The following MAP9 variants were observed in gnomAD, a reference collection of about 807,000 sequenced individuals.
MAP9 encodes the protein microtubule associated protein 9.
Under a neutral mutation model 75.2 loss-of-function variants are expected in MAP9, and 80 were observed. The observed-to-expected ratio is 1.06, with a 90% CI of 0.89 to 1.28. MAP9 has a LOEUF of 1.28. Ranked by LOEUF, MAP9 falls within the 50% of genes most tolerant of loss-of-function variation. The pLI, the probability that MAP9 is intolerant of heterozygous loss-of-function variation, is 0.00. For synonymous variants in MAP9, 235 were observed against 237.3 expected (o/e 0.99, Z 0.09); for missense variants, 753 against 719.9 (o/e 1.05, Z -0.53).
At chr4:155,376,346 C>T (rs1016768435) in intron 1 of MAP9, 8 of 152,366 alleles carry the variant, frequency 5.3e-5, no homozygotes, top group African/African-American at 1.9e-4. Context: ...GCATACAGCG[C>T]TATTCAAAGA....
rs188178167 is a variant in MAP9, at chr4:155,376,838, A to T, written c.-132T>A. ...CGAGCGAGGAGGAGGGGCTAATAAC[A>T]GAGGCGGAGGGCGGTTGCTAGGAAA... On this transcript the variant is annotated 5_prime_UTR_variant, in exon 1 of 14. Transcript: ENST00000311277. The T allele has an allele frequency of 3.3e-5, 5 of 152,998 alleles. No homozygotes were observed. The highest frequency in any genetic ancestry group is 1.2e-4 in the African/African-American group (5 of 41,576). The allele number at this position is 152,998 out of a possible 1,614,324, so 9.5% of individuals were successfully genotyped here. A position where few individuals can be genotyped will look rare whatever the true frequency, so the allele number is the denominator to read the frequency against.
At position 155,357,607 on chromosome 4, in the gene MAP9, C is replaced by A. The variant is rs1036881872; in HGVS notation, c.1051-88G>T. ...GCCAAACTGCCAGTAAATCACTATT[C>A]TTTAAGCATCTACTATGTGTCAAAC... On this transcript the variant is annotated intron_variant, in intron 7 of 13. Transcript: ENST00000311277. 2.2e-5 allele frequency: 16 copies of A among 736,746 alleles called. No homozygotes were observed. The African/African-American group carries it at 2.8e-4, about 13-fold the overall frequency. 45.6% of individuals were successfully genotyped at this position (736,746 alleles called of 1,614,324 possible). A position where few individuals can be genotyped will look rare whatever the true frequency, so the allele number is the denominator to read the frequency against.
intron 4 of MAP9, among the ~76,000 whole-genome samples, chr4:155,369,654 A>C (rs1732509770): frequency 1.3e-5 from 2 of 152,098 alleles, no homozygotes; most frequent in Non-Finnish European, 2.9e-5. Flanking sequence ...ACAAGACTAG[A>C]TTACTAAGAT....
intron 5 of MAP9, among the ~76,000 whole-genome samples, chr4:155,366,364 A>AG: frequency 6.6e-6 from 1 of 151,994 alleles, no homozygotes; most frequent in East Asian, 1.9e-4. Context: ...GTCTCAAAAA[A>AG]AAAAAAAGAA....
intron 7 of MAP9, among the ~76,000 whole-genome samples, chr4:155,358,944 A>G (rs981485524): frequency 2.0e-5 from 3 of 152,088 alleles, no homozygotes; most frequent in African/African-American, 7.2e-5. Context: ...GAGAACACAG[A>G]GAAAAGGGAA....
chr4:155,352,964 CCT>C lies in MAP9; in HGVS notation c.1634_1635del (p.Glu545GlyfsTer11), dbSNP rs1176381950. The part of the protein sequence containing the change: ...REYERAKKQK[E>X]EETVAEKKKD... ...TTCTTTTTCTCGGCAACAGTTTCCT[CCT>C]CTTTCTGTTTCTTTGCTCTTTCATA... is the stretch of plus-strand genomic sequence containing the variant. On this transcript the variant is annotated frameshift_variant, in exon 12 of 14. Coordinates refer to ENST00000311277, the MANE Select transcript of MAP9 (RefSeq NM_001039580.2). LOFTEE classifies it high-confidence loss of function. The C allele has an allele frequency of 1.9e-6, 3 of 1,543,152 alleles. No homozygotes were observed. In the Admixed American group the frequency reaches 5.8e-5, roughly 30 times the overall value.
intron 5 of MAP9, among the ~76,000 whole-genome samples, chr4:155,365,079 A>G (rs1191632575): frequency 2.0e-5 from 3 of 152,082 alleles, no homozygotes; most frequent in Non-Finnish European, 4.4e-5. Flanking sequence ...ACATTCATAA[A>G]TGGACTAAAC....
At chr4:155,374,886 T>A in intron 3 of MAP9, 51 bp downstream of exon 3, 1 of 1,286,044 alleles carries the variant, frequency 7.8e-7, no homozygotes, top group Non-Finnish European at 1.1e-6. Flanking sequence ...AATACAAAAC[T>A]AAGGAAGCAA....
chr4:155,355,447 T>C (rs377427158), intron 9 of MAP9, among the ~76,000 whole-genome samples: 1 of 152,166 alleles, frequency 6.6e-6, no homozygotes, highest in African/African-American at 2.4e-5. Flanking sequence ...AAAACATATA[T>C]AGACTTTACA....
chr4:155,357,493 C>T lies in MAP9; in HGVS notation c.1077G>A (p.Lys359=), dbSNP rs756050270. 1.3e-6 allele frequency: 2 copies of T among 1,540,706 alleles called. No individual in the cohort carries two copies. Among genetic ancestry groups the T allele is most frequent in the South Asian group, 1.1e-5 (1 of 89,206 alleles). Residue 359 remains lysine, a synonymous_variant, in exon 8 of 14, where the codon AAG becomes AAA. Transcript: ENST00000311277. ...SKKTIEDRNI[K]NKKSTNNRAS... is the part of the protein sequence containing the mutation. ...CTCTATTATTTGTTGACTTTTTATT[C>T]TTTATATTTCTATCTTCAATTGTTT...
intron 5 of MAP9, among the ~76,000 whole-genome samples, chr4:155,364,408 A>C (rs1199665790): frequency 6.7e-6 from 1 of 150,050 alleles, no homozygotes; most frequent in Non-Finnish European, 1.5e-5. Flanking sequence ...GATCCCTAGA[A>C]ATTGTATATG....
chr4:155,352,088 C>T (rs1263935932), intron 13 of MAP9, among the ~76,000 whole-genome samples: 1 of 151,944 alleles, frequency 6.6e-6, no homozygotes, highest in African/African-American at 2.4e-5. Context: ...GTTCAGCTAG[C>T]TATTGCTCCT....
rs1488614611 is a variant in MAP9 at position 155,376,005 on chromosome 4, G to A, written c.-64-91C>T. 7 of 541,186 alleles carry A rather than the reference G, an allele frequency of 1.3e-5. No individual in the cohort carries two copies. In the East Asian group the frequency reaches 2.1e-4, roughly 16 times the overall value. The allele number at this position is 541,186 out of a possible 1,614,324, so 33.5% of individuals were successfully genotyped here. On this transcript the variant is annotated intron_variant, in intron 1 of 13. Transcript: ENST00000311277. ...CTCTCCCCACAAAGGTCAAAGAAAAGCATCTGATATGAACATTGGGCTACA... is the reference window on the plus strand; with the variant it reads ...CTCTCCCCACAAAGGTCAAAGAAAAACATCTGATATGAACATTGGGCTACA...
chr4:155,358,518 C>T (rs144611776), intron 7 of MAP9, among the ~76,000 whole-genome samples: 16 of 152,188 alleles, frequency 1.1e-4, no homozygotes, highest in Admixed American at 3.9e-4. Flanking sequence ...TGTTTTCTTC[C>T]GCTGATAATA....
chr4:155,349,201 G>C (rs894667059), intron 13 of MAP9, among the ~76,000 whole-genome samples: 43 of 972 alleles, frequency 0.044, no homozygotes, highest in African/African-American at 0.13. Flanking sequence ...TGAGGGCTCT[G>C]AGAGTGGGAA....
rs775430148 is a variant in MAP9 at position 155,352,622 on chromosome 4, C to A, written c.1795G>T (p.Ala599Ser). The A allele has an allele frequency of 5.8e-6, 9 of 1,545,788 alleles. No individual in the cohort carries two copies. The highest frequency in any genetic ancestry group is 7.9e-6 in the Non-Finnish European group (9 of 1,133,868). ...RAEKKDKDKQ[A>S]INEYEKWLEN... ...AGCCATTTTTCATATTCATTAATAGCTTGTTTATCTTTATCTTTTTTCTCA... is the reference window on the plus strand; with the variant it reads ...AGCCATTTTTCATATTCATTAATAGATTGTTTATCTTTATCTTTTTTCTCA... The change falls in exon 13 of 14, where the codon GCT (alanine) becomes TCT (serine). Residue 599 changes from alanine to serine, a missense_variant. Physicochemically the swap from Ala to Ser is moderately conservative, Grantham distance 99 (BLOSUM62 1). Transcript: ENST00000311277.
intron 10 of MAP9, 61 bp downstream of exon 10, chr4:155,355,009 AT>A (rs760542850): frequency 7.3e-6 from 5 of 685,192 alleles, no homozygotes; most frequent in Non-Finnish European, 1.2e-5. Context: ...AAAGTTATAT[AT>A]TCAGGGATAT....
chr4:155,342,873 C>A lies in MAP9; in HGVS notation c.*4910G>T, dbSNP rs577976688. ...TACAAGATGTCTGAATAACTCCTTA[C>A]ATTTATAAATTCTTATTTAATTTTA... On this transcript the variant is annotated 3_prime_UTR_variant, in exon 14 of 14. Transcript: ENST00000311277. The A allele has an allele frequency of 1.3e-5, 2 of 151,900 alleles. No individual in the cohort carries two copies. Among genetic ancestry groups the A allele is most frequent in the East Asian group, 3.9e-4 (2 of 5,178 alleles). The allele number at this position is 151,900 out of a possible 1,614,324, so 9.4% of individuals were successfully genotyped here. A position where few individuals can be genotyped will look rare whatever the true frequency, so the allele number is the denominator to read the frequency against.
intron 4 of MAP9, 182 bp from the exon 5 acceptor site, chr4:155,368,994 G>C: frequency 3.5e-6 from 2 of 570,126 alleles, no homozygotes; most frequent in Non-Finnish European, 6.1e-6. Flanking sequence ...ATAAATGATG[G>C]TTAATAATCA....
Sources: gnomAD v4.1 joint callset for allele counts (sites outside exome capture counted in the v4.1 genomes callset) on GRCh38, gnomAD v4.1.1 for gene constraint, MANE v1.5 for transcripts, NCBI Gene and HGNC (gene_info 2026-07-23, HGNC 2026-07-21) for gene names.